RFT1: variants seen among roughly 807,000 people sequenced by gnomAD.
RFT1 encodes RFT1 glycolipid translocator homolog, also known as man(5)GlcNAc(2)-PP-dolichol translocation protein RFT1.
In RFT1, 43 loss-of-function variants were observed where a neutral mutation model predicts 62.2. The observed-to-expected ratio is 0.69, with a 90% CI of 0.54 to 0.89. The LOEUF is 0.89. Ranked by LOEUF, RFT1 falls within the 40% of genes least tolerant of loss-of-function variation. The pLI is 0.00. For synonymous variants in RFT1, 262 were observed against 264.6 expected, an observed-to-expected ratio of 0.99 and a Z score of 0.10; for missense variants, 605 against 649.9, an observed-to-expected ratio of 0.93 and a Z score of 0.75.
downstream of RFT1, among the ~76,000 whole-genome samples, chr3:53,086,763 C>T (rs2107053909): frequency 1.3e-5 from 2 of 152,280 alleles, no homozygotes; most frequent in South Asian, 4.1e-4. Flanking sequence ...GTGTGCCTTC[C>T]AGAACTCTTC....
At chr3:53,123,250 T>C (rs1035845506) in intron 3 of RFT1, among the ~76,000 whole-genome samples, 3 of 152,172 alleles carry the variant, frequency 2.0e-5, no homozygotes, top group Non-Finnish European at 4.4e-5. Context: ...TCTTCAAGAA[T>C]ATCCTAAAAG....
At chr3:53,121,150 T>G (rs981266337) in intron 5 of RFT1, among the ~76,000 whole-genome samples, 1 of 152,204 alleles carries the variant, frequency 6.6e-6, no homozygotes, top group African/African-American at 2.4e-5. Flanking sequence ...ACCAGAAATA[T>G]GAACTAGAAC....
intron 7 of RFT1, among the ~76,000 whole-genome samples, chr3:53,109,016 T>G (rs1480342181): frequency 3.3e-5 from 5 of 152,126 alleles, no homozygotes; most frequent in Non-Finnish European, 7.4e-5. Flanking sequence ...CTTAATTCTG[T>G]ATTTGTGGGC....
At chr3:53,100,638 C>A (rs921707971) in intron 10 of RFT1, among the ~76,000 whole-genome samples, 1 of 152,178 alleles carries the variant, frequency 6.6e-6, no homozygotes, top group South Asian at 2.1e-4. Context: ...ATCTCAAAAA[C>A]TTTATATTGA....
At chr3:53,121,875 A>G in intron 4 of RFT1, 75 bp from the exon 5 acceptor site, 1 of 1,251,502 alleles carries the variant, frequency 8.0e-7, no homozygotes, top group Non-Finnish European at 1.1e-6. Context: ...ATAGACAGAA[A>G]ATCTAGGGCA....
chr3:53,126,932 A>C (rs530978493), intron 1 of RFT1, among the ~76,000 whole-genome samples: 1 of 152,210 alleles, frequency 6.6e-6, no homozygotes, highest in African/African-American at 2.4e-5. Flanking sequence ...TGATCTAAGC[A>C]TATCAATGGA....
At chr3:53,103,269 G>C (rs929997937) in intron 10 of RFT1, 2 of 985,220 alleles carry the variant, frequency 2.0e-6, no homozygotes, top group Admixed American at 6.2e-5. Context: ...CCAGCGACCT[G>C]AGAAATTAAA....
At chr3:53,072,139 G>C in the RFT1 span, among the ~76,000 whole-genome samples, 1 of 152,208 alleles carries the variant, frequency 6.6e-6, no homozygotes, top group Non-Finnish European at 1.5e-5. Context: ...AGGATGCAGA[G>C]AGGCTGCCTC....
chr3:53,120,232 G>C (rs964696577), intron 5 of RFT1, among the ~76,000 whole-genome samples: 1 of 152,068 alleles, frequency 6.6e-6, no homozygotes, highest in Admixed American at 6.6e-5. Context: ...TCACTTAACT[G>C]GAAGAACATA....
At chr3:53,098,626 C>T (rs951102435) in intron 11 of RFT1, among the ~76,000 whole-genome samples, 2 of 151,856 alleles carry the variant, frequency 1.3e-5, no homozygotes, top group Non-Finnish European at 2.9e-5. Flanking sequence ...CACGGTGAAA[C>T]CCCATCTCTA....
chr3:53,099,446 CAGG>C lies in RFT1; in HGVS notation c.1140_1142del (p.Leu382del). ...ACTCTGTCACTCCATTGATGGCAAG[CAGG>C]AGAACATAGAGACAGTAGGAACGCA... On this transcript the variant is annotated inframe_deletion, in exon 11 of 13. Coordinates refer to ENST00000296292, the MANE Select transcript of RFT1 (RefSeq NM_052859.4). 6.2e-7 allele frequency: 1 copy of C among 1,614,064 alleles called. No homozygotes were observed. Among genetic ancestry groups the C allele is most frequent in the Non-Finnish European group, 8.5e-7 (1 of 1,179,986 alleles).
At chr3:53,123,874 A>C in intron 2 of RFT1, 34 bp from the exon 3 acceptor site, 9 of 1,539,482 alleles carry the variant, frequency 5.8e-6, no homozygotes, top group Non-Finnish European at 8.1e-6. Context: ...ATAAGGTCTC[A>C]AGTTTTTTCA....
Position 53,111,867 on chromosome 3 carries a change from A to G in RFT1, c.738T>C (p.Phe246=), listed in dbSNP as rs1389185340. The G allele has an allele frequency of 6.2e-7, 1 of 1,614,020 alleles. No individual in the cohort carries two copies. Among genetic ancestry groups the G allele is most frequent in the African/African-American group, 1.3e-5 (1 of 74,940 alleles). ...NWKEAKLTWS[F]FKQSFLKQIL... Reference sequence around the variant, plus strand: ...TCTGTTTCAAGAAAGACTGTTTGAAAAAACTCCAAGTCAGTTTAGCCTCTT... The same window carrying G: ...TCTGTTTCAAGAAAGACTGTTTGAAGAAACTCCAAGTCAGTTTAGCCTCTT... Residue 246 remains phenylalanine, a synonymous_variant, in exon 7 of 13, where the codon TTT becomes TTC. Transcript: ENST00000296292.
chr3:53,111,596 G>A (rs1286274260), intron 7 of RFT1, among the ~76,000 whole-genome samples: 2 of 152,048 alleles, frequency 1.3e-5, no homozygotes, highest in African/African-American at 2.4e-5. Context: ...CATGATGAAG[G>A]GGAACAATAT....
At chr3:53,108,385 A>C (rs1007388713) in intron 7 of RFT1, among the ~76,000 whole-genome samples, 1 of 124,080 alleles carries the variant, frequency 8.1e-6, no homozygotes, top group Non-Finnish European at 1.6e-5. Flanking sequence ...CTCTGCTTTC[A>C]TATCTTTTTT....
At chr3:53,103,235 G>A in intron 10 of RFT1, 2 of 985,378 alleles carry the variant, frequency 2.0e-6, no homozygotes, top group Non-Finnish European at 2.4e-6. Context: ...TGGGGCAGCA[G>A]AAAGAAGTCC....
intron 2 of RFT1, among the ~76,000 whole-genome samples, 191 bp from the exon 3 acceptor site, chr3:53,124,031 G>C (rs570383858): frequency 6.6e-6 from 1 of 152,316 alleles, no homozygotes; most frequent in South Asian, 2.1e-4. Flanking sequence ...GGAACCAAAT[G>C]AAAGACACCT....
At chr3:53,099,962 T>C (rs1701267146) in intron 10 of RFT1, among the ~76,000 whole-genome samples, 1 of 152,208 alleles carries the variant, frequency 6.6e-6, no homozygotes, top group South Asian at 2.1e-4. Context: ...CACTCCAGCC[T>C]GGGTGACAGA....
At chr3:53,094,973 A>G (rs1053472413) in intron 11 of RFT1, among the ~76,000 whole-genome samples, 1 of 152,292 alleles carries the variant, frequency 6.6e-6, no homozygotes, top group Admixed American at 6.5e-5. Context: ...TGCAATTAAA[A>G]TATCACTTTT....
Sources: allele counts gnomAD v4.1 joint callset (sites outside exome capture counted in the v4.1 genomes callset), GRCh38; gene constraint gnomAD v4.1.1; transcripts MANE v1.5; gene names NCBI Gene and HGNC (gene_info 2026-07-23, HGNC 2026-07-21).